The following UPF2 variants were observed in gnomAD, a reference collection of about 807,000 sequenced individuals.
UPF2 encodes the protein UPF2 regulator of nonsense mediated mRNA decay, also known as regulator of nonsense transcripts 2.
A neutral mutation model predicts 141.4 loss-of-function variants in UPF2; 17 were observed. The observed-to-expected ratio is 0.12, with a 90% CI of 0.08 to 0.18. The LOEUF (loss-of-function observed/expected upper bound fraction) is 0.18, where lower values mean the gene tolerates loss of function less well. UPF2 is among the 10% of genes least tolerant of loss of function. The probability of loss-of-function intolerance (pLI) is 1.00; values close to 1 mark genes in which losing one functional copy is unlikely to be tolerated. For missense variants in UPF2, 1,152 were observed against 1,515.9 expected, an observed-to-expected ratio of 0.76 and a Z score of 3.99; for synonymous variants, 540 against 498.0, an observed-to-expected ratio of 1.08 and a Z score of -1.12.
At chr10:11,969,362 G>T (rs1364589520) in intron 9 of UPF2, among the ~76,000 whole-genome samples, 1 of 151,818 alleles carries the variant, frequency 6.6e-6, no homozygotes, top group African/African-American at 2.4e-5. Context: ...GTAGAGACGG[G>T]GTTTCACTAT....
rs1284233172 is a variant in UPF2 at position 11,953,552 on chromosome 10, T to C, written c.2851-1303A>G. Among the ~76,000 whole-genome samples, 1 of 152,232 alleles carries C rather than the reference T, an allele frequency of 6.6e-6. No individual in the cohort carries two copies. Among genetic ancestry groups the C allele is most frequent in the African/African-American group, 2.4e-5 (1 of 41,444 alleles). On this transcript the variant is annotated intron_variant, in intron 14 of 21. Transcript: ENST00000357604. This position sits in a 1 kb window ranked among gnomAD's most constrained non-coding sequence, Gnocchi z 5.0. ...TCAGTTTGGAAAATATTTTTGTCTC[T>C]TTTGGCTCCTGAATATTTCTGAGTG...
chr10:12,023,779 T>C (rs183080642), intron 3 of UPF2, among the ~76,000 whole-genome samples: 50 of 151,526 alleles, frequency 3.3e-4, no homozygotes, highest in African/African-American at 1.1e-3. Flanking sequence ...TGGCTTGAGC[T>C]CAGGAGTTTG....
chr10:11,938,976 G>A (rs1413896179), intron 18 of UPF2, among the ~76,000 whole-genome samples: 6 of 145,204 alleles, frequency 4.1e-5, no homozygotes, highest in Admixed American at 1.4e-4. Flanking sequence ...GGGTTCAAGC[G>A]ATTATCCTGT....
In UPF2 at chr10:11,979,644, C is replaced by T. The variant is rs143609826; in HGVS notation, c.1845-479G>A. Among the ~76,000 whole-genome samples the T allele has an allele frequency of 4.1e-3, 620 of 152,278 alleles. 3 individuals are homozygous for T. The highest frequency in any genetic ancestry group is 0.014 in the African/African-American group (585 of 41,544). On this transcript the variant is annotated intron_variant, in intron 8 of 21. Coordinates refer to ENST00000357604, the MANE Select transcript of UPF2 (RefSeq NM_015542.4). This position sits in a 1 kb window ranked among gnomAD's most constrained non-coding sequence, Gnocchi z 6.2. ...TCAATAGGCTGGGCGTGGTAGCTCA[C>T]GCCTGTAATCCCAGCACTTTGGGAG...
At chr10:11,924,599 A>T (rs1160206112) in intron 21 of UPF2, among the ~76,000 whole-genome samples, 1 of 151,658 alleles carries the variant, frequency 6.6e-6, no homozygotes, top group Non-Finnish European at 1.5e-5. Context: ...TCTTTTTTTT[A>T]AACTACTTTT....
At chr10:12,000,682 C>A (rs1241730567) in intron 6 of UPF2, among the ~76,000 whole-genome samples, 1 of 152,126 alleles carries the variant, frequency 6.6e-6, no homozygotes, top group Non-Finnish European at 1.5e-5. Flanking sequence ...TGGTGCACGT[C>A]TACAGTCCCA....
intron 9 of UPF2, among the ~76,000 whole-genome samples, chr10:11,968,535 A>C (rs945509291): frequency 6.6e-6 from 1 of 152,224 alleles, no homozygotes; most frequent in African/African-American, 2.4e-5. Context: ...GTGCATTGTA[A>C]TTATAAACTA....
chr10:11,991,154 A>C (rs73573524), intron 8 of UPF2, among the ~76,000 whole-genome samples: 332 of 152,268 alleles, frequency 2.2e-3, no homozygotes, highest in African/African-American at 7.6e-3. Flanking sequence ...AAACCTACCA[A>C]ACAAAATTCT....
Position 11,921,003 on chromosome 10 carries a change from T to C in UPF2, c.*295A>G. ...TTCACGCTCTCCTTGGTGTAACTGCTCAGTAGTCAAGTGAACCATCTCATT... is the reference window on the plus strand; with the variant it reads ...TTCACGCTCTCCTTGGTGTAACTGCCCAGTAGTCAAGTGAACCATCTCATT... On this transcript the variant is annotated 3_prime_UTR_variant, in exon 22 of 22. Transcript: ENST00000357604. The surrounding 1 kb of genome is among the most constrained non-coding windows in gnomAD (Gnocchi z 5.9). 1.5e-6 allele frequency: 1 copy of C among 648,520 alleles called. No homozygotes were observed. The highest frequency in any genetic ancestry group is 1.8e-5 in the Admixed American group (1 of 54,826). 40.2% of individuals were successfully genotyped at this position (648,520 alleles called of 1,614,324 possible). A position where few individuals can be genotyped will look rare whatever the true frequency, so the allele number is the denominator to read the frequency against.
Position 11,921,048 on chromosome 10 carries a change from G to A in UPF2, c.*250C>T, listed in dbSNP as rs1554773318. 6 of 726,306 alleles carry A rather than the reference G, an allele frequency of 8.3e-6. No individual in the cohort carries two copies. Among genetic ancestry groups the A allele is most frequent in the Middle Eastern group, 2.4e-4 (1 of 4,154 alleles). The allele number at this position is 726,306 out of a possible 1,614,324, so 45.0% of individuals were successfully genotyped here. A position where few individuals can be genotyped will look rare whatever the true frequency, so the allele number is the denominator to read the frequency against. ...CTCATTTCTTGACTGCCATTCTCAA[G>A]AGAAGATTAACCCTCGCGAGATTTC... On this transcript the variant is annotated 3_prime_UTR_variant, in exon 22 of 22. Transcript: ENST00000357604. The surrounding 1 kb of genome is among the most constrained non-coding windows in gnomAD (Gnocchi z 5.9).
At chr10:11,977,825 A>G (rs2131225085) in intron 9 of UPF2, among the ~76,000 whole-genome samples, 1 of 152,346 alleles carries the variant, frequency 6.6e-6, no homozygotes, top group South Asian at 2.1e-4. Context: ...AATTCTTACA[A>G]CAAAACAAAA....
At position 11,931,517 on chromosome 10, in the gene UPF2, G is replaced by T; in HGVS notation, c.3688+124C>A. 2.0e-6 allele frequency: 2 copies of T among 996,562 alleles called. No individual in the cohort carries two copies. Among genetic ancestry groups the T allele is most frequent in the Non-Finnish European group, 2.8e-6 (2 of 718,208 alleles). 61.7% of individuals were successfully genotyped at this position (996,562 alleles called of 1,614,324 possible). A position where few individuals can be genotyped will look rare whatever the true frequency, so the allele number is the denominator to read the frequency against. Reference sequence around the variant, plus strand: ...CAAATAAGTGAAAGAAAAACAGTGGGATACAAAATGAATTTCTCAGCATAA... The same window carrying T: ...CAAATAAGTGAAAGAAAAACAGTGGTATACAAAATGAATTTCTCAGCATAA... On this transcript the variant is annotated intron_variant, in intron 20 of 21. Coordinates refer to ENST00000357604, the MANE Select transcript of UPF2 (RefSeq NM_015542.4). This position sits in a 1 kb window ranked among gnomAD's most constrained non-coding sequence, Gnocchi z 5.9.
At chr10:12,033,546 C>A (rs1395087276) in intron 2 of UPF2, among the ~76,000 whole-genome samples, 1 of 152,014 alleles carries the variant, frequency 6.6e-6, no homozygotes, top group Non-Finnish European at 1.5e-5. Context: ...TTACCAGGCA[C>A]TGTACAAAAT....
intron 9 of UPF2, 149 bp from the exon 10 acceptor site, chr10:11,967,603 G>A: frequency 2.0e-6 from 1 of 500,780 alleles, no homozygotes; most frequent in Non-Finnish European, 3.3e-6. Context: ...AGGCTGGAGT[G>A]CAACGGTGCA....
At chr10:11,991,385 G>T (rs540359582) in intron 8 of UPF2, among the ~76,000 whole-genome samples, 24 of 151,828 alleles carry the variant, frequency 1.6e-4, no homozygotes, top group African/African-American at 3.1e-4. Context: ...GCATCATTGG[G>T]GTACCTAAAA....
At chr10:12,034,999 T>C (rs1834596138) in intron 2 of UPF2, 60 bp downstream of exon 2, 25 of 1,506,116 alleles carry the variant, frequency 1.7e-5, no homozygotes, top group Non-Finnish European at 2.0e-5. Context: ...AATGTTTTTT[T>C]CCCAAAATAT....
intron 18 of UPF2, among the ~76,000 whole-genome samples, chr10:11,938,868 T>TTTTTTTTTTTTTG (rs1675605285): frequency 0.017 from 1,522 of 90,652 alleles, 72 homozygotes; most frequent in African/African-American, 0.024. Flanking sequence ...TTTTTTTTTT[T>TTTTTTTTTTTTTG]TTTTTTTTTT....
At chr10:11,984,735 AAG>A (rs1564355493) in intron 8 of UPF2, among the ~76,000 whole-genome samples, 1 of 151,356 alleles carries the variant, frequency 6.6e-6, no homozygotes, top group East Asian at 1.9e-4. Flanking sequence ...AAAAAAAAAA[AAG>A]AGTCTCACTC....
At chr10:11,997,393 C>CAAGGCAAAAATGCA (rs1833881636) in intron 8 of UPF2, among the ~76,000 whole-genome samples, 1 of 152,156 alleles carries the variant, frequency 6.6e-6, no homozygotes, top group South Asian at 2.1e-4. Context: ...GGCAAAAATG[C>CAAGGCAAAAATGCA]AAACAATTGC....
Sources: allele counts gnomAD v4.1 joint callset (sites outside exome capture counted in the v4.1 genomes callset), GRCh38; gene constraint gnomAD v4.1.1; non-coding constraint Gnocchi (gnomAD v3.1); transcripts MANE v1.5; gene names NCBI Gene and HGNC (gene_info 2026-07-23, HGNC 2026-07-21).